Variants in ATG7 observed in about 807,000 individuals in gnomAD.
ATG7 encodes the protein autophagy related 7, also known as ubiquitin-like modifier-activating enzyme ATG7.
A neutral mutation model predicts 82.4 loss-of-function variants in ATG7; 70 were observed. The observed-to-expected ratio is 0.85, with a 90% CI of 0.70 to 1.04. The LOEUF is 1.04. ATG7 is among the 50% of genes least tolerant of loss of function. The pLI is 0.00. For synonymous variants in ATG7, 287 were observed against 313.0 expected (o/e 0.92, Z 0.88); for missense variants, 792 against 864.3 (o/e 0.92, Z 1.05).
intron 19 of ATG7, among the ~76,000 whole-genome samples, chr3:11,403,872 G>A (rs556709673): frequency 1.2e-4 from 19 of 152,282 alleles, no homozygotes; most frequent in African/African-American, 2.2e-4. Flanking sequence ...CCAAAGAAGC[G>A]TATAAACTAG....
chr3:11,338,526 C>T (rs1157688318), intron 11 of ATG7, among the ~76,000 whole-genome samples: 1 of 152,012 alleles, frequency 6.6e-6, no homozygotes, highest in African/African-American at 2.4e-5. Flanking sequence ...TTATGAAACT[C>T]AAATCTGACT....
intron 18 of ATG7, among the ~76,000 whole-genome samples, chr3:11,375,565 T>C (rs368838450): frequency 2.0e-5 from 3 of 146,626 alleles, no homozygotes; most frequent in African/African-American, 2.5e-5. Flanking sequence ...GATTTTTTTT[T>C]CCCCTTGCCC....
intron 18 of ATG7, among the ~76,000 whole-genome samples, chr3:11,371,146 C>T (rs7624086): frequency 6.6e-6 from 1 of 150,694 alleles, no homozygotes; most frequent in African/African-American, 2.5e-5. Context: ...TCTCCTCCCT[C>T]CATTCTCTGG....
intron 5 of ATG7, among the ~76,000 whole-genome samples, chr3:11,303,123 A>G (rs1947050580): frequency 6.6e-6 from 1 of 152,324 alleles, no homozygotes; most frequent in South Asian, 2.1e-4. Flanking sequence ...ACAACAGATT[A>G]ATGAGGAAAG....
chr3:11,369,873 A>G (rs1475422280), intron 18 of ATG7, among the ~76,000 whole-genome samples: 1 of 151,088 alleles, frequency 6.6e-6, no homozygotes, highest in Non-Finnish European at 1.5e-5. Context: ...GGCAGCCTGA[A>G]GGTTTTGTGA....
intron 20 of ATG7, among the ~76,000 whole-genome samples, chr3:11,470,561 G>T (rs2087381957): frequency 1.3e-5 from 2 of 152,308 alleles, no homozygotes; most frequent in African/African-American, 4.8e-5. Flanking sequence ...CAGGCTATGT[G>T]CAGGGTGCTC....
chr3:11,465,426 C>T (rs141356566), intron 20 of ATG7, among the ~76,000 whole-genome samples: 2,414 of 138,218 alleles, frequency 0.017, 31 homozygotes, highest in Non-Finnish European at 0.027. Flanking sequence ...GCCTGGGTGA[C>T]AGAGAGAGAC....
intron 19 of ATG7, among the ~76,000 whole-genome samples, chr3:11,405,606 GTA>G (rs1323437367): frequency 1.8e-4 from 27 of 152,042 alleles, no homozygotes; most frequent in Non-Finnish European, 3.7e-4. Context: ...CAAGTAGTAA[GTA>G]TGTAGCATTT....
At chr3:11,378,492 G>A in intron 18 of ATG7, among the ~76,000 whole-genome samples, 1 of 149,468 alleles carries the variant, frequency 6.7e-6, no homozygotes, top group African/African-American at 2.5e-5. Flanking sequence ...AGATCAGCCT[G>A]GACAACATGG....
At chr3:11,311,603 CAAAA>C (rs1320350651) in intron 7 of ATG7, among the ~76,000 whole-genome samples, 11 of 82,230 alleles carry the variant, frequency 1.3e-4, no homozygotes, top group Non-Finnish European at 2.1e-4. Flanking sequence ...AGACTGTCTC[CAAAA>C]AAAAAAAAAA....
At chr3:11,412,839 G>A (rs2081038024) in intron 19 of ATG7, among the ~76,000 whole-genome samples, 1 of 151,916 alleles carries the variant, frequency 6.6e-6, no homozygotes, top group Admixed American at 6.6e-5. Flanking sequence ...TATTTATGAT[G>A]GGGTGTATTT....
At chr3:11,508,511 GTGGCC>G (rs2091871410) in intron 20 of ATG7, among the ~76,000 whole-genome samples, 2 of 152,148 alleles carry the variant, frequency 1.3e-5, no homozygotes, top group Admixed American at 1.3e-4. Context: ...CTGGAATGCA[GTGGCC>G]TGATCATAGC....
At chr3:11,356,225 G>T (rs147736062) in intron 14 of ATG7, among the ~76,000 whole-genome samples, 1 of 152,340 alleles carries the variant, frequency 6.6e-6, no homozygotes, top group Non-Finnish European at 1.5e-5. Context: ...ATAGCTGTAT[G>T]CAGTGGTTAA....
At chr3:11,551,207 C>T (rs1384598299) in intron 20 of ATG7, among the ~76,000 whole-genome samples, 3 of 152,232 alleles carry the variant, frequency 2.0e-5, no homozygotes, top group African/African-American at 7.2e-5. Flanking sequence ...GCACCCTCTC[C>T]TCCTCGGGGG....
chr3:11,421,651 TC>T (rs1453184279), intron 19 of ATG7, among the ~76,000 whole-genome samples: 26 of 152,230 alleles, frequency 1.7e-4, no homozygotes, highest in African/African-American at 6.0e-4. Context: ...TATTTTGACC[TC>T]CTTCCATGAA....
rs1575381340 is a variant in ATG7 at position 11,313,473 on chromosome 3, A to G, written c.528+53A>G. On this transcript the variant is annotated intron_variant, in intron 8 of 20. Coordinates refer to ENST00000693202, the MANE Select transcript of ATG7 (RefSeq NM_001349232.2). ...AAAATTGGGTTGAATGTGCAAGAGT[A>G]GTTATGTAGTTCTTTCCAAAGACAA... is the stretch of plus-strand genomic sequence containing the variant. 4 of 1,299,540 alleles carry G rather than the reference A, an allele frequency of 3.1e-6. No individual in the cohort carries two copies. The East Asian group carries it at 9.5e-5, about 31-fold the overall frequency. The allele number at this position is 1,299,540 out of a possible 1,614,324, so 80.5% of individuals were successfully genotyped here.
At chr3:11,397,237 A>G (rs1305168868) in intron 19 of ATG7, among the ~76,000 whole-genome samples, 3 of 152,208 alleles carry the variant, frequency 2.0e-5, no homozygotes, top group African/African-American at 7.2e-5. Flanking sequence ...TTAGTATTGA[A>G]TTTTCAAAAA....
chr3:11,534,669 A>C (rs1484427654), intron 20 of ATG7, among the ~76,000 whole-genome samples: 1 of 152,204 alleles, frequency 6.6e-6, no homozygotes, highest in African/African-American at 2.4e-5. Flanking sequence ...TTGGGCCCCA[A>C]ATGGCCCTAG....
At chr3:11,397,273 A>G (rs2079384724) in intron 19 of ATG7, among the ~76,000 whole-genome samples, 1 of 152,212 alleles carries the variant, frequency 6.6e-6, no homozygotes, top group African/African-American at 2.4e-5. Flanking sequence ...CTTAAATACC[A>G]CAAGAAAGCT....
Sources: allele counts gnomAD v4.1 joint callset (sites outside exome capture counted in the v4.1 genomes callset), GRCh38; gene constraint gnomAD v4.1.1; transcripts MANE v1.5; gene names NCBI Gene and HGNC (gene_info 2026-07-23, HGNC 2026-07-21).